Variants in MECOM observed in about 807,000 individuals in gnomAD.
MECOM encodes histone-lysine N-methyltransferase MECOM.
In MECOM, 13 loss-of-function variants were observed where a neutral mutation model predicts 116.3. The ratio of observed to expected loss-of-function variants is 0.11; its 90% CI spans 0.07 to 0.18. MECOM has a LOEUF of 0.18. Ranked by LOEUF, MECOM falls within the 10% of genes least tolerant of loss-of-function variation. The probability of loss-of-function intolerance (pLI) is 1.00; values close to 1 mark genes in which losing one functional copy is unlikely to be tolerated. For missense variants in MECOM, 1,299 were observed against 1,509.0 expected, an observed-to-expected ratio of 0.86 and a Z score of 2.31; for synonymous variants, 528 against 535.2, an observed-to-expected ratio of 0.99 and a Z score of 0.19.
chr3:169,513,561 G>A (rs375375544), intron 1 of MECOM, among the ~76,000 whole-genome samples: 19 of 152,272 alleles, frequency 1.2e-4, no homozygotes, highest in East Asian at 1.2e-3. Flanking sequence ...TGCTCAGTCC[G>A]GAATTTCTAT....
chr3:169,526,145 G>A (rs1433897521), intron 1 of MECOM, among the ~76,000 whole-genome samples: 2 of 152,026 alleles, frequency 1.3e-5, no homozygotes, highest in African/African-American at 2.4e-5. Flanking sequence ...TTCCATCACC[G>A]AGAATTAGAT....
chr3:169,306,118 A>G (rs1717651741), intron 2 of MECOM, among the ~76,000 whole-genome samples: 1 of 152,170 alleles, frequency 6.6e-6, no homozygotes, highest in Non-Finnish European at 1.5e-5. Flanking sequence ...ATCTTTTATG[A>G]CACTCATGCA....
intron 1 of MECOM, among the ~76,000 whole-genome samples, chr3:169,621,540 T>A (rs546075401): frequency 6.6e-6 from 1 of 152,180 alleles, no homozygotes; most frequent in Non-Finnish European, 1.5e-5. Context: ...GCAGATTACC[T>A]GAGGTCAGGA....
At chr3:169,336,132 TTACTC>T (rs1188422696) in intron 2 of MECOM, among the ~76,000 whole-genome samples, 2 of 152,134 alleles carry the variant, frequency 1.3e-5, no homozygotes, top group Non-Finnish European at 2.9e-5. Context: ...CTTGGACTCT[TTACTC>T]TTTTTGCAGA....
chr3:169,168,337 C>CTTTTTTTTTTTTT (rs1166736467), intron 2 of MECOM, among the ~76,000 whole-genome samples: 2 of 108,466 alleles, frequency 1.8e-5, no homozygotes, highest in South Asian at 3.3e-4. Flanking sequence ...ACTTGGCCTG[C>CTTTTTTTTTTTTT]TTTTTTTTTT....
chr3:169,562,460 G>A (rs1402754125), intron 1 of MECOM, among the ~76,000 whole-genome samples: 2 of 152,114 alleles, frequency 1.3e-5, no homozygotes, highest in African/African-American at 4.8e-5. Context: ...GGGGCAGGGA[G>A]ACAACCCAAA....
At chr3:169,406,925 T>C (rs75273979) in intron 1 of MECOM, among the ~76,000 whole-genome samples, 1,748 of 151,544 alleles carry the variant, frequency 0.012, 31 homozygotes, top group African/African-American at 0.04. Flanking sequence ...CACTGCAGCC[T>C]CCACCTCTCC....
chr3:169,259,789 A>G (rs1757320583), intron 2 of MECOM, among the ~76,000 whole-genome samples: 1 of 152,248 alleles, frequency 6.6e-6, no homozygotes, highest in African/African-American at 2.4e-5. Flanking sequence ...CATATTGACT[A>G]AAAGCATTCA....
chr3:169,215,242 CTT>C lies in MECOM; in HGVS notation c.376-71412_376-71411del, dbSNP rs34865565. ...GTCTTTTTTTTCCCCCTCCTCTTTC[CTT>C]TTTTTTTTTTTTTAAAAAAGCAGAC... On this transcript the variant is annotated intron_variant, in intron 2 of 16. Coordinates refer to ENST00000651503, the MANE Select transcript of MECOM (RefSeq NM_004991.4). Among the ~76,000 whole-genome samples, 3 of 138,162 alleles carry C rather than the reference CTT, an allele frequency of 2.2e-5. No individual in the cohort carries two copies. In the Admixed American group the frequency reaches 2.2e-4, roughly 10 times the overall value. 90.6% of individuals were successfully genotyped at this position (138,162 alleles called of 152,430 possible). A position where few individuals can be genotyped will look rare whatever the true frequency, so the allele number is the denominator to read the frequency against.
chr3:169,358,362 T>G (rs1239118535), intron 2 of MECOM, among the ~76,000 whole-genome samples: 1 of 151,734 alleles, frequency 6.6e-6, no homozygotes, highest in Non-Finnish European at 1.5e-5. Context: ...CCATTCTTCC[T>G]GAAAATACTA....
intron 1 of MECOM, among the ~76,000 whole-genome samples, chr3:169,560,159 T>C (rs992330789): frequency 1.2e-4 from 18 of 152,176 alleles, no homozygotes; most frequent in Admixed American, 9.8e-4. Context: ...TATAAGTGTT[T>C]AAGAATCAGT....
intron 3 of MECOM, among the ~76,000 whole-genome samples, chr3:169,137,409 C>A (rs1367386832): frequency 6.6e-6 from 1 of 152,000 alleles, no homozygotes; most frequent in Non-Finnish European, 1.5e-5. Context: ...CAGGAAGGAT[C>A]CTATTATACA....
At chr3:169,091,723 G>A (rs555301625) in intron 14 of MECOM, among the ~76,000 whole-genome samples, 2 of 151,756 alleles carry the variant, frequency 1.3e-5, no homozygotes, top group Non-Finnish European at 2.9e-5. Context: ...AGACTGGAAG[G>A]GTCTTTTTTC....
intron 1 of MECOM, among the ~76,000 whole-genome samples, chr3:169,488,716 T>C (rs545497892): frequency 5.3e-5 from 8 of 151,932 alleles, no homozygotes; most frequent in Non-Finnish European, 7.4e-5. Flanking sequence ...TTAAATAATA[T>C]ATGGGCCAAA....
intron 2 of MECOM, among the ~76,000 whole-genome samples, chr3:169,345,620 G>A (rs1166371914): frequency 6.6e-6 from 1 of 152,064 alleles, no homozygotes; most frequent in Non-Finnish European, 1.5e-5. Context: ...GATTAATTCT[G>A]TGCTCCTGCA....
intron 2 of MECOM, among the ~76,000 whole-genome samples, chr3:169,360,163 G>A (rs1436407077): frequency 6.6e-6 from 1 of 151,314 alleles, no homozygotes; most frequent in Non-Finnish European, 1.5e-5. Context: ...TATCCTGTGA[G>A]TTGGGCAGTT....
chr3:169,601,652 C>A (rs1354562100), intron 1 of MECOM, among the ~76,000 whole-genome samples: 2 of 152,160 alleles, frequency 1.3e-5, no homozygotes. Flanking sequence ...TGACAAGATT[C>A]CCCCTATTCA....
intron 1 of MECOM, among the ~76,000 whole-genome samples, chr3:169,419,116 G>A (rs1739264118): frequency 6.6e-6 from 1 of 152,146 alleles, no homozygotes; most frequent in African/African-American, 2.4e-5. Flanking sequence ...CAAACAGAGA[G>A]CCAAATCATG....
chr3:169,281,219 A>G (rs1711914329), intron 2 of MECOM, among the ~76,000 whole-genome samples: 2 of 152,176 alleles, frequency 1.3e-5, no homozygotes, highest in Non-Finnish European at 2.9e-5. Context: ...GCGTTTAATC[A>G]AGGACCTCAG....
Sources: gnomAD v4.1 joint callset for allele counts (sites outside exome capture counted in the v4.1 genomes callset) on GRCh38, gnomAD v4.1.1 for gene constraint, MANE v1.5 for transcripts, NCBI Gene and HGNC (gene_info 2026-07-23, HGNC 2026-07-21) for gene names.